The following FIP1L1 variants were observed in gnomAD, a reference collection of about 807,000 sequenced individuals.
FIP1L1 encodes the protein pre-mRNA 3'-end-processing factor FIP1.
A neutral mutation model predicts 84.6 loss-of-function variants in FIP1L1; 21 were observed. The ratio of observed to expected loss-of-function variants is 0.25; its 90% CI spans 0.18 to 0.36. The LOEUF is 0.36. Among genes scored for constraint, FIP1L1 ranks in the 10% least tolerant of loss-of-function variants. The probability of loss-of-function intolerance (pLI) is 1.00; values close to 1 mark genes in which losing one functional copy is unlikely to be tolerated. For synonymous variants in FIP1L1, 263 were observed against 242.3 expected, an observed-to-expected ratio of 1.09 and a Z score of -0.80; for missense variants, 526 against 751.1, an observed-to-expected ratio of 0.70 and a Z score of 3.50.
intron 5 of FIP1L1, among the ~76,000 whole-genome samples, chr4:53,384,869 C>A (rs979934831): frequency 6.6e-6 from 1 of 152,170 alleles, no homozygotes; most frequent in Non-Finnish European, 1.5e-5. Flanking sequence ...CACTATAGTT[C>A]ATTAAGCAAC....
chr4:53,379,197 T>A (rs1231212196), intron 2 of FIP1L1, 28 bp from the exon 3 acceptor site: 1 of 1,606,810 alleles, frequency 6.2e-7, no homozygotes, highest in Non-Finnish European at 8.5e-7. Context: ...GTTTGCTTAT[T>A]TATTTATTTG....
chr4:53,444,588 C>G (rs1773392455), intron 15 of FIP1L1, among the ~76,000 whole-genome samples: 1 of 152,062 alleles, frequency 6.6e-6, no homozygotes, highest in African/African-American at 2.4e-5. Context: ...TTTAAAAATG[C>G]TGTGCATTGT....
intron 13 of FIP1L1, among the ~76,000 whole-genome samples, chr4:53,434,395 T>A (rs1330592395): frequency 6.6e-6 from 1 of 152,120 alleles, no homozygotes; most frequent in East Asian, 1.9e-4. Flanking sequence ...TCTATTGTGA[T>A]ATCACGAGTT....
intron 10 of FIP1L1, among the ~76,000 whole-genome samples, chr4:53,413,333 C>G (rs1758015931): frequency 6.6e-6 from 1 of 152,050 alleles, no homozygotes; most frequent in Non-Finnish European, 1.5e-5. Context: ...GCTCCTTATA[C>G]TAGGGCATCC....
chr4:53,440,480 A>C, intron 13 of FIP1L1: 2 of 662,824 alleles, frequency 3.0e-6, no homozygotes, highest in South Asian at 3.9e-5. Context: ...CAGGATAATG[A>C]GGCGAGGGGT....
chr4:53,439,205 A>G (rs1770825730), intron 13 of FIP1L1, among the ~76,000 whole-genome samples: 1 of 151,978 alleles, frequency 6.6e-6, no homozygotes, highest in Non-Finnish European at 1.5e-5. Context: ...GGTTTGTTGG[A>G]TTCTTTTAGT....
chr4:53,430,911 T>C (rs1372348558), intron 13 of FIP1L1, among the ~76,000 whole-genome samples: 1 of 152,210 alleles, frequency 6.6e-6, no homozygotes, highest in Non-Finnish European at 1.5e-5. Flanking sequence ...ACCTAACTGG[T>C]ATATGTGCTG....
intron 5 of FIP1L1, among the ~76,000 whole-genome samples, chr4:53,385,502 T>C (rs898854879): frequency 6.6e-6 from 1 of 152,110 alleles, no homozygotes; most frequent in Non-Finnish European, 1.5e-5. Context: ...AATTCAAAAC[T>C]CTTCAAAAAA....
intron 11 of FIP1L1, among the ~76,000 whole-genome samples, chr4:53,420,271 A>T (rs1200660282): frequency 2.0e-5 from 3 of 149,430 alleles, no homozygotes; most frequent in Non-Finnish European, 4.5e-5. Flanking sequence ...TAAAAAAAAA[A>T]TTAAAAAAAA....
chr4:53,399,492 T>G (rs915699868), intron 9 of FIP1L1, among the ~76,000 whole-genome samples: 2 of 152,242 alleles, frequency 1.3e-5, no homozygotes, highest in Non-Finnish European at 1.5e-5. Flanking sequence ...TTTATTCGGC[T>G]TCTAAGTGTT....
intron 13 of FIP1L1, among the ~76,000 whole-genome samples, chr4:53,435,837 G>A (rs1375676116): frequency 2.7e-5 from 4 of 149,692 alleles, no homozygotes; most frequent in Non-Finnish European, 5.9e-5. Flanking sequence ...GTGTGTGTGC[G>A]TATGTTTTTG....
intron 13 of FIP1L1, among the ~76,000 whole-genome samples, chr4:53,438,020 C>T (rs1183596215): frequency 5.3e-5 from 8 of 152,094 alleles, no homozygotes; most frequent in Admixed American, 3.3e-4. Flanking sequence ...CCACCGCGCC[C>T]GGCCTATGTT....
intron 13 of FIP1L1, among the ~76,000 whole-genome samples, chr4:53,439,117 T>C (rs1257072122): frequency 6.6e-6 from 1 of 152,140 alleles, no homozygotes; most frequent in Non-Finnish European, 1.5e-5. Flanking sequence ...GGTTGTAGTA[T>C]ATATTAAAAA....
At chr4:53,435,666 G>T (rs1327072622) in intron 13 of FIP1L1, among the ~76,000 whole-genome samples, 1 of 152,040 alleles carries the variant, frequency 6.6e-6, no homozygotes, top group Non-Finnish European at 1.5e-5. Context: ...TTACTTTGTT[G>T]TGTGACCGTA....
chr4:53,378,515 T>C (rs751532748), intron 1 of FIP1L1: 1 of 152,458 alleles, frequency 6.6e-6, no homozygotes, highest in African/African-American at 2.4e-5. Flanking sequence ...ACTCTGAATG[T>C]CTCCTGTATT....
At chr4:53,408,117 T>C (rs1410699387) in intron 10 of FIP1L1, among the ~76,000 whole-genome samples, 1 of 152,242 alleles carries the variant, frequency 6.6e-6, no homozygotes, top group African/African-American at 2.4e-5. Flanking sequence ...TGGCATGATT[T>C]TGCAGTGGCT....
chr4:53,389,721 A>G (rs1743115237), intron 5 of FIP1L1, 88 bp from the exon 6 acceptor site: 1 of 978,448 alleles, frequency 1.0e-6, no homozygotes, highest in Non-Finnish European at 1.6e-6. Context: ...ATGTGATTGT[A>G]TAATTTGTTT....
chr4:53,438,790 A>G (rs1253535378), intron 13 of FIP1L1, among the ~76,000 whole-genome samples: 1 of 152,206 alleles, frequency 6.6e-6, no homozygotes, highest in African/African-American at 2.4e-5. Flanking sequence ...AAGTTTAACA[A>G]CTTAAATGTT....
chr4:53,386,792 T>C (rs1578155146), intron 5 of FIP1L1, among the ~76,000 whole-genome samples: 1 of 152,328 alleles, frequency 6.6e-6, no homozygotes, highest in East Asian at 1.9e-4. Context: ...TGCAAGCTTG[T>C]CCAATGCACC....
Sources: gnomAD v4.1 joint callset for allele counts (sites outside exome capture counted in the v4.1 genomes callset) on GRCh38, gnomAD v4.1.1 for gene constraint, MANE v1.5 for transcripts, NCBI Gene and HGNC (gene_info 2026-07-23, HGNC 2026-07-21) for gene names.